The following TRNP1 variants were observed in gnomAD, a reference collection of about 807,000 sequenced individuals.
The protein encoded by TRNP1 is TMF-regulated nuclear protein 1.
Under a neutral mutation model 12.2 loss-of-function variants are expected in TRNP1, and 16 were observed. The observed-to-expected ratio is 1.31, with a 90% CI of 0.89 to 1.99. TRNP1 has a LOEUF of 1.99. TRNP1 is among the 30% of genes most tolerant of loss of function. The pLI is 0.00. For synonymous variants in TRNP1, 139 were observed against 166.2 expected (o/e 0.84, Z 1.26); for missense variants, 338 against 330.4 (o/e 1.02, Z -0.18).
intron 1 of TRNP1, 31 bp from the exon 2 acceptor site, chr1:26,999,815 GC>G (rs1341552764): frequency 6.6e-6 from 1 of 152,244 alleles, no homozygotes; most frequent in African/African-American, 2.4e-5. Context: ...TGGGAAAGAG[GC>G]CATTAAAGCT....
In TRNP1 at chr1:26,994,872, C is replaced by T. The variant is rs959443777; in HGVS notation, c.*142+260C>T. 2.0e-5 allele frequency among the ~76,000 whole-genome samples: 3 copies of T among 152,224 alleles called. No individual in the cohort carries two copies. Among genetic ancestry groups the T allele is most frequent in the African/African-American group, 4.8e-5 (2 of 41,464 alleles). On this transcript the variant is annotated intron_variant, in intron 1 of 1. Transcript: ENST00000522111. The surrounding 1 kb of genome is among the most constrained non-coding windows in gnomAD (Gnocchi z 6.9). ...GCAAACTTTTACCACTTGGAACCTGCCGCACGGATGCAGCACCCCCCATCC... is the reference window on the plus strand; with the variant it reads ...GCAAACTTTTACCACTTGGAACCTGTCGCACGGATGCAGCACCCCCCATCC...
chr1:26,998,445 T>G (rs1324294916), intron 1 of TRNP1, among the ~76,000 whole-genome samples: 4 of 152,176 alleles, frequency 2.6e-5, no homozygotes, highest in Admixed American at 2.6e-4. Context: ...TCTTAGAGAT[T>G]AGGCTGGAGC....
intron 1 of TRNP1, among the ~76,000 whole-genome samples, chr1:26,996,307 T>C (rs901326500): frequency 1.3e-5 from 2 of 152,224 alleles, no homozygotes; most frequent in Non-Finnish European, 2.9e-5. Context: ...GGGGCCCTTA[T>C]GGGATCCTCC....
In TRNP1 at chr1:26,993,750, G is replaced by A; in HGVS notation, c.-37G>A. The A allele has an allele frequency of 7.8e-7, 1 of 1,277,674 alleles. No homozygotes were observed. Among genetic ancestry groups the A allele is most frequent in the East Asian group, 3.2e-5 (1 of 31,696 alleles). 79.1% of individuals were successfully genotyped at this position (1,277,674 alleles called of 1,614,324 possible). ...GGTGTGCTGTGGTCATCCTCCCTGC[G>A]CACCTACAGCCGCAGACCGCCGGTG... On this transcript the variant is annotated 5_prime_UTR_variant, in exon 1 of 2. Transcript: ENST00000522111.
intron 1 of TRNP1, among the ~76,000 whole-genome samples, chr1:26,997,333 A>G (rs1015037226): frequency 1.3e-5 from 2 of 149,254 alleles, no homozygotes; most frequent in African/African-American, 4.9e-5. Flanking sequence ...AAAAAAAAAA[A>G]AAAAAAAGCT....
chr1:26,995,693 C>T (rs1029964148), intron 1 of TRNP1, among the ~76,000 whole-genome samples: 5 of 152,164 alleles, frequency 3.3e-5, no homozygotes, highest in Non-Finnish European at 7.3e-5. Context: ...TGCAATGGTG[C>T]GATCTTGGCT....
chr1:26,996,325 G>GAA (rs2082545320), intron 1 of TRNP1, among the ~76,000 whole-genome samples: 1 of 152,218 alleles, frequency 6.6e-6, no homozygotes, highest in Non-Finnish European at 1.5e-5. Flanking sequence ...TCCCTCATCA[G>GAA]CCCTTCTCCC....
At chr1:26,998,127 T>C (rs867166447) in intron 1 of TRNP1, among the ~76,000 whole-genome samples, 25 of 152,072 alleles carry the variant, frequency 1.6e-4, no homozygotes, top group Non-Finnish European at 3.2e-4. Flanking sequence ...CTCACACCTG[T>C]ACTCCCAACA....
chr1:26,999,031 C>A (rs2082559822), intron 1 of TRNP1, among the ~76,000 whole-genome samples: 1 of 152,168 alleles, frequency 6.6e-6, no homozygotes, highest in Non-Finnish European at 1.5e-5. Context: ...GAAGGTGCCC[C>A]TCCCAGAGTT....
chr1:26,997,548 G>A (rs1428676699), intron 1 of TRNP1, among the ~76,000 whole-genome samples: 1 of 152,076 alleles, frequency 6.6e-6, no homozygotes, highest in African/African-American at 2.4e-5. Flanking sequence ...TCGGACAGAA[G>A]GCTGACCCAC....
chr1:26,998,899 C>G (rs925104900), intron 1 of TRNP1, among the ~76,000 whole-genome samples: 17 of 152,212 alleles, frequency 1.1e-4, no homozygotes, highest in Admixed American at 4.6e-4. Flanking sequence ...TATGGTGATT[C>G]ATTTATCAGG....
Position 26,993,926 on chromosome 1 carries a change from C to A in TRNP1, c.140C>A (p.Thr47Asn). ...PPTPTLTPTPTPGQSPPLPDA... is the reference protein window; with the variant it reads ...PPTPTLTPTPNPGQSPPLPDA... ...ACTCCGACCTTGACTCCTACCCCGA[C>A]CCCGGGTCAGTCCCCGCCGCTGCCG... The change falls in exon 1 of 2, where the codon ACC (threonine) becomes AAC (asparagine). Residue 47 changes from threonine (T) to asparagine (N), a missense_variant. Thr to Asn is a moderately conservative substitution (Grantham distance 65). Coordinates refer to ENST00000522111, the MANE Select transcript of TRNP1 (RefSeq NM_001013642.3). 7.3e-7 allele frequency: 1 copy of A among 1,362,278 alleles called. No individual in the cohort carries two copies. Among genetic ancestry groups the A allele is most frequent in the Admixed American group, 3.8e-5 (1 of 26,020 alleles). 84.4% of individuals were successfully genotyped at this position (1,362,278 alleles called of 1,614,324 possible).
Position 26,994,016 on chromosome 1 carries a change from C to T in TRNP1, c.230C>T (p.Ala77Val), listed in dbSNP as rs1570774056. 1 of 1,254,530 alleles carries T rather than the reference C, an allele frequency of 8.0e-7. No homozygotes were observed. The highest frequency in any genetic ancestry group is 1.0e-6 in the Non-Finnish European group (1 of 1,000,770). 77.7% of individuals were successfully genotyped at this position (1,254,530 alleles called of 1,614,324 possible). ...DQELQRWRQGASGIAGLAGPG... is the reference protein window; with the variant it reads ...DQELQRWRQGVSGIAGLAGPG... ...GAGCTGCAGCGCTGGCGCCAGGGCG[C>T]TAGCGGGATCGCGGGGCTCGCCGGC... The change falls in exon 1 of 2, where the codon GCT (alanine) becomes GTT (valine). Residue 77 changes from alanine (A) to valine (V), a missense_variant. Transcript: ENST00000522111. The surrounding 1 kb of genome is among the most constrained non-coding windows in gnomAD (Gnocchi z 6.9).
intron 1 of TRNP1, among the ~76,000 whole-genome samples, chr1:26,995,936 G>A (rs2082543376): frequency 6.6e-6 from 1 of 152,138 alleles, no homozygotes; most frequent in South Asian, 2.1e-4. Flanking sequence ...GGCTGATAAT[G>A]TATTATTTTA....
At chr1:26,996,386 GA>G (rs2082545575) in intron 1 of TRNP1, among the ~76,000 whole-genome samples, 1 of 152,316 alleles carries the variant, frequency 6.6e-6, no homozygotes, top group Non-Finnish European at 1.5e-5. Flanking sequence ...AGGCTTTCCT[GA>G]ACCCTTTCTT....
chr1:26,999,952 A>G lies in TRNP1; in HGVS notation c.*248A>G, dbSNP rs1235731611. The G allele has an allele frequency of 6.6e-6, 1 of 152,180 alleles. No homozygotes were observed. The highest frequency in any genetic ancestry group is 6.5e-5 in the Admixed American group (1 of 15,270). The allele number at this position is 152,180 out of a possible 1,614,324, so 9.4% of individuals were successfully genotyped here. A position where few individuals can be genotyped will look rare whatever the true frequency, so the allele number is the denominator to read the frequency against. Reference sequence around the variant, plus strand: ...AAGACGTTGAGAATTGACCTTACACAATCCCAGCGCCCTCCTCACAGGAGC... The same window carrying G: ...AAGACGTTGAGAATTGACCTTACACGATCCCAGCGCCCTCCTCACAGGAGC... On this transcript the variant is annotated 3_prime_UTR_variant, in exon 2 of 2. Transcript: ENST00000522111.
At position 27,000,062 on chromosome 1, in the gene TRNP1, G is replaced by A. The variant is rs1557700051; in HGVS notation, c.*358G>A. On this transcript the variant is annotated 3_prime_UTR_variant, in exon 2 of 2. Coordinates refer to ENST00000522111, the MANE Select transcript of TRNP1 (RefSeq NM_001013642.3). Reference sequence around the variant, plus strand: ...TTCATATACCCCACATTTGACTTTGGCTTACACTGTACAATTGGAGATGTT... The same window carrying A: ...TTCATATACCCCACATTTGACTTTGACTTACACTGTACAATTGGAGATGTT... The A allele has an allele frequency of 6.6e-6, 1 of 152,160 alleles. No homozygotes were observed. Among genetic ancestry groups the A allele is most frequent in the Non-Finnish European group, 1.5e-5 (1 of 68,040 alleles). 9.4% of individuals were successfully genotyped at this position (152,160 alleles called of 1,614,324 possible).
intron 1 of TRNP1, among the ~76,000 whole-genome samples, chr1:26,997,717 C>A (rs991628631): frequency 6.6e-6 from 1 of 152,124 alleles, no homozygotes; most frequent in African/African-American, 2.4e-5. Flanking sequence ...GGAACAGGAG[C>A]CTTTCTTCAG....
intron 1 of TRNP1, among the ~76,000 whole-genome samples, chr1:26,995,881 C>T (rs1403990306): frequency 6.6e-6 from 1 of 152,228 alleles, no homozygotes; most frequent in South Asian, 2.1e-4. Flanking sequence ...CTGTCCGCTT[C>T]GGCCTCCCAA....
Sources: allele counts gnomAD v4.1 joint callset (sites outside exome capture counted in the v4.1 genomes callset), GRCh38; gene constraint gnomAD v4.1.1; non-coding constraint Gnocchi (gnomAD v3.1); transcripts MANE v1.5; gene names NCBI Gene and HGNC (gene_info 2026-07-23, HGNC 2026-07-21).